ZMYM2: variants seen among roughly 807,000 people sequenced by gnomAD.
ZMYM2 encodes zinc finger MYM-type containing 2.
ZMYM2 carries 56 observed loss-of-function variants against 162.8 expected under a neutral mutation model. That is an observed-to-expected ratio of 0.34 (90% CI 0.28 to 0.43). ZMYM2 has a LOEUF of 0.43. Among genes scored for constraint, ZMYM2 ranks in the 20% least tolerant of loss-of-function variants. The probability of loss-of-function intolerance (pLI) is 1.00; values close to 1 mark genes in which losing one functional copy is unlikely to be tolerated. For synonymous variants in ZMYM2, 510 were observed against 541.6 expected, an observed-to-expected ratio of 0.94 and a Z score of 0.81; for missense variants, 1,275 against 1,621.8, an observed-to-expected ratio of 0.79 and a Z score of 3.67.
rs530865157 is a variant in ZMYM2, at chr13:20,038,974, TC to T, written c.2292+2066del. ...ATTTCTTTGAGCAGTATTTTGTAGT[TC>T]TTGTAGAGATTTTTCACCTCCCTGA... is the stretch of plus-strand genomic sequence containing the variant. On this transcript the variant is annotated intron_variant, in intron 12 of 24. Coordinates refer to ENST00000610343, the MANE Select transcript of ZMYM2 (RefSeq NM_197968.4). Among the ~76,000 whole-genome samples, 1,134 of 152,232 alleles carry T rather than the reference TC, an allele frequency of 7.4e-3. 17 individuals carry two copies. The highest frequency in any genetic ancestry group is 0.026 in the African/African-American group (1,064 of 41,528).
rs137929093 is a variant in ZMYM2, at chr13:20,046,554, T to TAAAA, written c.2293-4871_2293-4868dup. The stretch of plus-strand genomic sequence containing the variant: ...GGGGGACACAGTAAGACTTTGTCTC[T>TAAAA]AAAAAAAAAAATATATATATATATA... On this transcript the variant is annotated intron_variant, in intron 12 of 24. Transcript: ENST00000610343. Among the ~76,000 whole-genome samples the TAAAA allele has an allele frequency of 9.4e-3, 714 of 76,288 alleles. 8 individuals are homozygous for TAAAA. Among genetic ancestry groups the TAAAA allele is most frequent in the African/African-American group, 0.029 (608 of 20,966 alleles). 50.0% of individuals were successfully genotyped at this position (76,288 alleles called of 152,430 possible).
At chr13:19,883,446 C>T in the ZMYM2 span, among the ~76,000 whole-genome samples, 2 of 152,076 alleles carry the variant, frequency 1.3e-5, no homozygotes, top group South Asian at 4.1e-4. Flanking sequence ...ATCTTTGACG[C>T]GAAAACTTCG....
At chr13:20,083,881 T>G (rs1958066534) in intron 24 of ZMYM2, 105 bp downstream of exon 24, 1 of 1,187,590 alleles carries the variant, frequency 8.4e-7, no homozygotes, top group Admixed American at 2.6e-5. Context: ...CTTTCTCAGA[T>G]TTCTTCTCTC....
chr13:19,873,024 C>T, the ZMYM2 span, among the ~76,000 whole-genome samples: 3 of 151,924 alleles, frequency 2.0e-5, no homozygotes, highest in African/African-American at 7.3e-5. Context: ...AAATAAAATC[C>T]CTTTTATAGG....
At chr13:19,953,455 C>CGG in the ZMYM2 span, among the ~76,000 whole-genome samples, 1 of 151,964 alleles carries the variant, frequency 6.6e-6, no homozygotes, top group Non-Finnish European at 1.5e-5. Flanking sequence ...GAGGCTGAGG[C>CGG]GGGTGGATCA....
intron 21 of ZMYM2, among the ~76,000 whole-genome samples, chr13:20,077,633 A>G (rs1451933043): frequency 7.1e-6 from 1 of 141,358 alleles, no homozygotes; most frequent in Non-Finnish European, 1.5e-5. Context: ...CAGCAAAGGG[A>G]TGAGAGAGGG....
chr13:20,068,481 C>T (rs955488308), intron 21 of ZMYM2: 1 of 156,696 alleles, frequency 6.4e-6, no homozygotes, highest in Non-Finnish European at 1.4e-5. Context: ...CCACACCACT[C>T]TAGGAATATT....
chr13:19,923,754 T>A, the ZMYM2 span, among the ~76,000 whole-genome samples: 2 of 144,048 alleles, frequency 1.4e-5, no homozygotes, highest in Non-Finnish European at 3.0e-5. Flanking sequence ...CACTTCAACC[T>A]CTGCCTCCCG....
intron 6 of ZMYM2, among the ~76,000 whole-genome samples, chr13:20,014,294 G>C (rs778024289): frequency 1.3e-5 from 2 of 152,166 alleles, no homozygotes; most frequent in Middle Eastern, 3.4e-3. Flanking sequence ...GAATGGTCTC[G>C]ATCTCCAGAC....
the ZMYM2 span, among the ~76,000 whole-genome samples, chr13:19,893,606 G>A: frequency 4.0e-5 from 6 of 151,866 alleles, no homozygotes; most frequent in Admixed American, 2.0e-4. Context: ...CAGGCGTGGT[G>A]GCGGGTGCCT....
At chr13:19,885,858 AAAAAATATATAT>A in the ZMYM2 span, among the ~76,000 whole-genome samples, 1 of 45,698 alleles carries the variant, frequency 2.2e-5, no homozygotes, top group Non-Finnish European at 5.4e-5. Flanking sequence ...AAAAAAAAAA[AAAAAATATATAT>A]ATGTATATAC....
chr13:19,877,522 A>G, the ZMYM2 span, among the ~76,000 whole-genome samples: 1 of 152,348 alleles, frequency 6.6e-6, no homozygotes, highest in East Asian at 1.9e-4. Flanking sequence ...ATCCATCCCC[A>G]AGCCCAGATA....
At chr13:20,075,856 G>GT (rs199799135) in intron 21 of ZMYM2, among the ~76,000 whole-genome samples, 5 of 150,896 alleles carry the variant, frequency 3.3e-5, no homozygotes, top group Middle Eastern at 6.8e-3. Context: ...GGCTAGTTGG[G>GT]TTTTTTTTCC....
Position 19,993,604 on chromosome 13 carries a change from C to T in ZMYM2, c.532C>T (p.Pro178Ser). The T allele has an allele frequency of 6.2e-7, 1 of 1,614,114 alleles. No homozygotes were observed. The highest frequency in any genetic ancestry group is 8.5e-7 in the Non-Finnish European group (1 of 1,180,010). ...GMGNSGITTE[P>S]DSEIQIANVT... ...GGGTAATAGTGGTATCACCACAGAA[C>T]CAGACTCTGAAATTCAGATTGCTAA... The change falls in exon 3 of 25, where the codon CCA becomes TCA. Residue 178 changes from proline (P) to serine (S), a missense_variant. Transcript: ENST00000610343.
intron 4 of ZMYM2, 109 bp downstream of exon 4, chr13:20,003,244 C>T (rs1950516799): frequency 2.3e-6 from 3 of 1,308,260 alleles, no homozygotes; most frequent in Non-Finnish European, 3.1e-6. Context: ...CCTATCAAGT[C>T]CAGGTGGCAT....
At chr13:19,868,014 T>C in the ZMYM2 span, among the ~76,000 whole-genome samples, 2 of 152,226 alleles carry the variant, frequency 1.3e-5, no homozygotes, top group Non-Finnish European at 2.9e-5. Context: ...CATTTGGAGC[T>C]TGCCAGCTCC....
chr13:19,864,983 T>G, the ZMYM2 span: 1 of 152,244 alleles, frequency 6.6e-6, no homozygotes, highest in South Asian at 2.1e-4. Context: ...GGATGTTAGT[T>G]TGGATGAAAG....
intron 3 of ZMYM2, among the ~76,000 whole-genome samples, chr13:19,996,235 T>C (rs1950009458): frequency 3.3e-5 from 5 of 152,182 alleles, no homozygotes; most frequent in Admixed American, 3.3e-4. Flanking sequence ...TTTTTCTTAT[T>C]TGTCGAGTAA....
At chr13:20,059,157 TGAG>T (rs1189737711) in intron 15 of ZMYM2, among the ~76,000 whole-genome samples, 14 of 152,040 alleles carry the variant, frequency 9.2e-5, no homozygotes, top group Non-Finnish European at 1.5e-5. Flanking sequence ...GGGAGGTTGT[TGAG>T]GAGAGTATGG....
Sources: allele counts gnomAD v4.1 joint callset (sites outside exome capture counted in the v4.1 genomes callset), GRCh38; gene constraint gnomAD v4.1.1; transcripts MANE v1.5; gene names NCBI Gene and HGNC (gene_info 2026-07-23, HGNC 2026-07-21).